Variants in SH3GL3 observed in about 807,000 individuals in gnomAD.
SH3GL3 encodes the protein SH3 domain containing GRB2 like 3, endophilin A3.
SH3GL3 carries 33 observed loss-of-function variants against 47.7 expected under a neutral mutation model. The observed-to-expected ratio is 0.69, with a 90% CI of 0.52 to 0.92. The LOEUF (loss-of-function observed/expected upper bound fraction) is 0.92. Ranked by LOEUF, SH3GL3 falls within the 40% of genes least tolerant of loss-of-function variation. The pLI, the probability that SH3GL3 is intolerant of heterozygous loss-of-function variation, is 0.00. For synonymous variants in SH3GL3, 155 were observed against 148.8 expected (o/e 1.04, Z -0.30); for missense variants, 363 against 417.8 (o/e 0.87, Z 1.14).
chr15:83,573,987 G>A (rs1460537048), intron 5 of SH3GL3, among the ~76,000 whole-genome samples: 1 of 152,228 alleles, frequency 6.6e-6, no homozygotes, highest in African/African-American at 2.4e-5. Flanking sequence ...ATGGGTCAGG[G>A]AAGGCTTCTC....
At chr15:83,498,714 C>A (rs1307760265) in intron 1 of SH3GL3, among the ~76,000 whole-genome samples, 2 of 152,200 alleles carry the variant, frequency 1.3e-5, no homozygotes, top group South Asian at 4.1e-4. Flanking sequence ...CACCTATTTT[C>A]TCTCCTGCTC....
intron 1 of SH3GL3, among the ~76,000 whole-genome samples, chr15:83,543,707 C>T (rs1271148286): frequency 6.6e-6 from 1 of 151,932 alleles, no homozygotes; most frequent in African/African-American, 2.4e-5. Flanking sequence ...TGTCATTAGC[C>T]TATTCAGACT....
At chr15:83,478,156 C>T (rs2041184184) in intron 1 of SH3GL3, among the ~76,000 whole-genome samples, 1 of 152,130 alleles carries the variant, frequency 6.6e-6, no homozygotes, top group South Asian at 2.1e-4. Flanking sequence ...GAAGACCAGA[C>T]TTTAGGGGAA....
intron 1 of SH3GL3, among the ~76,000 whole-genome samples, chr15:83,552,203 A>T (rs936318206): frequency 2.0e-5 from 3 of 152,198 alleles, no homozygotes; most frequent in African/African-American, 7.2e-5. Flanking sequence ...CCAACCTGAG[A>T]TATTAGATGT....
In SH3GL3 at chr15:83,450,350, TTAAG is replaced by T. The variant is rs765693027; in HGVS notation, c.45+2778_45+2781del. ...TGTATACATCTCAGTGCTGAAATTC[TTAAG>T]TAAGTTAAGCATTTCAGAGTAAGAC... On this transcript the variant is annotated intron_variant, in intron 1 of 8. Transcript: ENST00000427482. 6.1e-4 allele frequency among the ~76,000 whole-genome samples: 93 copies of T among 152,374 alleles called. 1 individual carries two copies. The highest frequency in any genetic ancestry group is 1.1e-3 in the Non-Finnish European group (78 of 68,028).
At chr15:83,515,380 C>A (rs901159544) in intron 1 of SH3GL3, among the ~76,000 whole-genome samples, 1 of 152,158 alleles carries the variant, frequency 6.6e-6, no homozygotes, top group Non-Finnish European at 1.5e-5. Flanking sequence ...CAAATGGAAT[C>A]GGAATGAATT....
At chr15:83,622,117 C>T (rs1470599992), downstream of SH3GL3, among the ~76,000 whole-genome samples, 1 of 152,122 alleles carries the variant, frequency 6.6e-6, no homozygotes, top group African/African-American at 2.4e-5. Flanking sequence ...CTGAATAAAC[C>T]CATTTAATTC....
chr15:83,586,719 A>G (rs2059964485), intron 6 of SH3GL3, among the ~76,000 whole-genome samples: 1 of 152,236 alleles, frequency 6.6e-6, no homozygotes, highest in Admixed American at 6.5e-5. Context: ...AAAAATCATC[A>G]TCTAATTGGA....
chr15:83,485,777 A>G lies in SH3GL3; in HGVS notation c.45+38199A>G, dbSNP rs1485668264. On this transcript the variant is annotated intron_variant, in intron 1 of 8. Transcript: ENST00000427482. ...CTCCCAGAGTGCTGAGATTACAGGC[A>G]TGAGCCACCATGCCTGGCCGGAAGT... is the stretch of plus-strand genomic sequence containing the variant. Among the ~76,000 whole-genome samples, 4 of 152,186 alleles carry G rather than the reference A, an allele frequency of 2.6e-5. No individual in the cohort carries two copies. The East Asian group carries it at 7.7e-4, about 29-fold the overall frequency.
chr15:83,526,570 A>C (rs1231333296), intron 1 of SH3GL3, among the ~76,000 whole-genome samples: 2 of 152,154 alleles, frequency 1.3e-5, no homozygotes, highest in South Asian at 2.1e-4. Context: ...AGGAACAAAA[A>C]ACCAAAAACT....
rs1021886849 is a variant in SH3GL3, at chr15:83,485,892, C to T, written c.45+38314C>T. 2.0e-5 allele frequency among the ~76,000 whole-genome samples: 3 copies of T among 152,166 alleles called. No individual in the cohort carries two copies. The South Asian group carries it at 6.2e-4, about 32-fold the overall frequency. ...ATACAGAAAACTAAAGAGAAAAATACTATGAATACCTCTACCCCATCACAT... is the reference window on the plus strand; with the variant it reads ...ATACAGAAAACTAAAGAGAAAAATATTATGAATACCTCTACCCCATCACAT... On this transcript the variant is annotated intron_variant, in intron 1 of 8. Coordinates refer to ENST00000427482, the MANE Select transcript of SH3GL3 (RefSeq NM_003027.5).
chr15:83,555,153 C>A (rs1388007349), intron 1 of SH3GL3, among the ~76,000 whole-genome samples: 1 of 152,072 alleles, frequency 6.6e-6, no homozygotes, highest in African/African-American at 2.4e-5. Context: ...TGGAGTTTGT[C>A]CCATCTATTG....
intron 1 of SH3GL3, among the ~76,000 whole-genome samples, chr15:83,527,112 G>A (rs535772439): frequency 6.6e-6 from 1 of 152,090 alleles, no homozygotes; most frequent in Non-Finnish European, 1.5e-5. Flanking sequence ...TTTTGGTGTA[G>A]TCTTTAGGTT....
intron 1 of SH3GL3, among the ~76,000 whole-genome samples, chr15:83,470,695 T>C (rs1241550534): frequency 1.3e-5 from 2 of 152,328 alleles, no homozygotes; most frequent in Middle Eastern, 3.4e-3. Context: ...TGTTACTCTG[T>C]TTTTAATTTA....
chr15:83,620,012 C>T (rs1004198713), downstream of SH3GL3, among the ~76,000 whole-genome samples: 1 of 149,846 alleles, frequency 6.7e-6, no homozygotes, highest in Non-Finnish European at 1.5e-5. Flanking sequence ...AGCATCTTCA[C>T]CAAGAGTAGA....
rs1567228414 is a variant in SH3GL3 at position 83,448,481 on chromosome 15, T to TGTGTGTGTGTG, written c.45+903_45+904insGTGTGTGTGTG. Among the ~76,000 whole-genome samples the TGTGTGTGTGTG allele has an allele frequency of 2.7e-4, 39 of 145,788 alleles. No homozygotes were observed. The highest frequency in any genetic ancestry group is 4.8e-4 in the African/African-American group (19 of 39,430). On this transcript the variant is annotated intron_variant, in intron 1 of 8. Coordinates refer to ENST00000427482, the MANE Select transcript of SH3GL3 (RefSeq NM_003027.5). This position sits in a 1 kb window ranked among gnomAD's most constrained non-coding sequence, Gnocchi z 4.2. ...GTGTGTGTGTGTGTGTGTGTGTGTGTTGATGACAAGCAAATTTGTTTTTCA... is the reference window on the plus strand; with the variant it reads ...GTGTGTGTGTGTGTGTGTGTGTGTGTGTGTGTGTGTGTGATGACAAGCAAATTTGTTTTTCA...
At chr15:83,479,028 G>A (rs1448062388) in intron 1 of SH3GL3, among the ~76,000 whole-genome samples, 1 of 152,190 alleles carries the variant, frequency 6.6e-6, no homozygotes, top group African/African-American at 2.4e-5. Flanking sequence ...CTGCTTGGGT[G>A]ATGACTTATG....
chr15:83,580,314 C>G (rs1253009417), intron 6 of SH3GL3, among the ~76,000 whole-genome samples: 1 of 152,212 alleles, frequency 6.6e-6, no homozygotes, highest in East Asian at 1.9e-4. Flanking sequence ...CCATGTCAAA[C>G]ACAGTGGGTC....
intron 2 of SH3GL3, among the ~76,000 whole-genome samples, chr15:83,561,150 G>A (rs2045249817): frequency 6.6e-6 from 1 of 152,004 alleles, no homozygotes; most frequent in Admixed American, 6.6e-5. Context: ...AATAAATATA[G>A]ATATCTGCAT....
Sources: allele counts gnomAD v4.1 joint callset (sites outside exome capture counted in the v4.1 genomes callset), GRCh38; gene constraint gnomAD v4.1.1; non-coding constraint Gnocchi (gnomAD v3.1); transcripts MANE v1.5; gene names NCBI Gene and HGNC (gene_info 2026-07-23, HGNC 2026-07-21).